Variants in MACROD2 observed in about 807,000 individuals in gnomAD.
MACROD2 encodes ADP-ribose glycohydrolase MACROD2.
Under a neutral mutation model 70.4 loss-of-function variants are expected in MACROD2, and 36 were observed. The observed-to-expected ratio is 0.51, with a 90% CI of 0.39 to 0.68. The LOEUF is 0.68. Ranked by LOEUF, MACROD2 falls within the 30% of genes least tolerant of loss-of-function variation. The probability of loss-of-function intolerance (pLI) is 0.00; values close to 1 mark genes in which losing one functional copy is unlikely to be tolerated. For synonymous variants in MACROD2, 172 were observed against 178.8 expected, an observed-to-expected ratio of 0.96 and a Z score of 0.30; for missense variants, 496 against 538.4, an observed-to-expected ratio of 0.92 and a Z score of 0.78.
chr20:15,940,388 G>A (rs779501369), intron 12 of MACROD2, among the ~76,000 whole-genome samples: 14 of 152,184 alleles, frequency 9.2e-5, no homozygotes, highest in South Asian at 4.2e-4. Flanking sequence ...GCACCACTGC[G>A]CCTGGCCTGA....
At chr20:15,471,845 A>G (rs1321861072) in intron 7 of MACROD2, among the ~76,000 whole-genome samples, 1 of 151,838 alleles carries the variant, frequency 6.6e-6, no homozygotes, top group Non-Finnish European at 1.5e-5. Context: ...TCTGTCAGTT[A>G]TCCTCCTCTT....
chr20:14,426,259 A>G (rs141351438), intron 3 of MACROD2, among the ~76,000 whole-genome samples: 1 of 151,934 alleles, frequency 6.6e-6, no homozygotes, highest in East Asian at 1.9e-4. Context: ...TATTTTCTCG[A>G]TTCTGTCAAC....
intron 5 of MACROD2, among the ~76,000 whole-genome samples, chr20:14,797,866 G>GATGA (rs371954044): frequency 0.01 from 1,568 of 152,034 alleles, 38 homozygotes; most frequent in African/African-American, 0.035. Flanking sequence ...TTTATTGCTG[G>GATGA]ATGAATGAAT....
At chr20:15,516,821 G>A (rs922083358) in intron 8 of MACROD2, among the ~76,000 whole-genome samples, 4 of 152,104 alleles carry the variant, frequency 2.6e-5, no homozygotes, top group Non-Finnish European at 4.4e-5. Flanking sequence ...GACTGTAGCC[G>A]CAAATCACAG....
chr20:15,772,084 C>CA (rs753205618), intron 8 of MACROD2, among the ~76,000 whole-genome samples: 111 of 70,674 alleles, frequency 1.6e-3, no homozygotes, highest in African/African-American at 2.8e-3. Context: ...GACTCGGTCT[C>CA]AAAAAAAAAA....
intron 5 of MACROD2, among the ~76,000 whole-genome samples, chr20:15,172,817 C>A (rs543748250): frequency 6.6e-6 from 1 of 152,262 alleles, no homozygotes; most frequent in South Asian, 2.1e-4. Flanking sequence ...GCCAGTAGAG[C>A]CATACTAAAA....
intron 8 of MACROD2, among the ~76,000 whole-genome samples, chr20:15,717,419 G>GA (rs148465002): frequency 0.021 from 3,187 of 152,324 alleles, 105 homozygotes; most frequent in African/African-American, 0.071. Flanking sequence ...TTCACTGGTG[G>GA]ATGGAACTAT....
intron 2 of MACROD2, among the ~76,000 whole-genome samples, chr20:14,075,560 C>G (rs185072267): frequency 3.5e-4 from 53 of 152,324 alleles, no homozygotes; most frequent in Non-Finnish European, 7.2e-4. Context: ...AGTGGCTCCT[C>G]TAAGACCTCT....
At chr20:15,608,192 C>T (rs966072192) in intron 8 of MACROD2, among the ~76,000 whole-genome samples, 4 of 152,156 alleles carry the variant, frequency 2.6e-5, no homozygotes, top group African/African-American at 9.7e-5. Flanking sequence ...TTTGTGATAA[C>T]GTCCTGTATC....
intron 5 of MACROD2, among the ~76,000 whole-genome samples, chr20:14,718,839 G>T (rs1007417140): frequency 2.6e-5 from 4 of 152,136 alleles, no homozygotes; most frequent in African/African-American, 4.8e-5. Context: ...CTTTTACCTA[G>T]ATTTATTCAT....
intron 12 of MACROD2, among the ~76,000 whole-genome samples, chr20:15,944,760 T>C (rs1350385537): frequency 6.6e-6 from 1 of 152,162 alleles, no homozygotes; most frequent in African/African-American, 2.4e-5. Flanking sequence ...ATTTATTGTA[T>C]AAAATTCAAA....
intron 3 of MACROD2, among the ~76,000 whole-genome samples, chr20:14,462,296 A>AT (rs2084382103): frequency 6.6e-6 from 1 of 152,042 alleles, no homozygotes; most frequent in South Asian, 2.1e-4. Context: ...GATGATGAGC[A>AT]TTTTTTCATG....
chr20:16,012,134 A>AG (rs752031219), intron 15 of MACROD2, among the ~76,000 whole-genome samples: 3 of 152,146 alleles, frequency 2.0e-5, no homozygotes, highest in East Asian at 3.9e-4. Flanking sequence ...GCAGCTGGGG[A>AG]GGGGTCACTC....
intron 5 of MACROD2, among the ~76,000 whole-genome samples, chr20:14,773,581 C>T (rs892471286): frequency 6.6e-6 from 1 of 151,888 alleles, no homozygotes; most frequent in Non-Finnish European, 1.5e-5. Context: ...AAATAATATT[C>T]TATTATGTAT....
chr20:15,754,920 G>C (rs1050193697), intron 8 of MACROD2, among the ~76,000 whole-genome samples: 1 of 151,560 alleles, frequency 6.6e-6, no homozygotes, highest in African/African-American at 2.4e-5. Flanking sequence ...GTCCAGTGGT[G>C]TAATCTTGGC....
intron 4 of MACROD2, among the ~76,000 whole-genome samples, chr20:14,577,794 AAAGAGAAGAGAAGAGAAGAG>A (rs140897912): frequency 1.5e-5 from 2 of 137,728 alleles, no homozygotes; most frequent in African/African-American, 5.3e-5. Context: ...AAAGAAAAGG[AAAGAGAAGAGAAGAGAAGAG>A]AAGAGAAGAG....
chr20:14,085,964 A>G (rs1204112150), intron 3 of MACROD2, among the ~76,000 whole-genome samples: 1 of 152,198 alleles, frequency 6.6e-6, no homozygotes. Context: ...AGGATACTGC[A>G]CCACTGGAGA....
intron 8 of MACROD2, among the ~76,000 whole-genome samples, chr20:15,573,215 G>T (rs2048398987): frequency 6.6e-6 from 1 of 152,020 alleles, no homozygotes; most frequent in African/African-American, 2.4e-5. Context: ...TTTAAACCAA[G>T]TGAACATCAC....
At chr20:15,062,855 T>C (rs2123084716) in intron 5 of MACROD2, among the ~76,000 whole-genome samples, 1 of 152,272 alleles carries the variant, frequency 6.6e-6, no homozygotes, top group East Asian at 1.9e-4. Context: ...CTGCCTTAGC[T>C]CTTGCAATTC....
Sources: allele counts gnomAD v4.1 joint callset (sites outside exome capture counted in the v4.1 genomes callset), GRCh38; gene constraint gnomAD v4.1.1; transcripts MANE v1.5; gene names NCBI Gene and HGNC (gene_info 2026-07-23, HGNC 2026-07-21).